ADAMTSL1: variants seen among roughly 807,000 people sequenced by gnomAD.
ADAMTSL1 encodes the protein ADAMTS-like protein 1.
Under a neutral mutation model 201.8 loss-of-function variants are expected in ADAMTSL1, and 126 were observed. The ratio of observed to expected loss-of-function variants is 0.62; its 90% confidence interval spans 0.54 to 0.72. The LOEUF (loss-of-function observed/expected upper bound fraction) is 0.72, where lower values mean the gene tolerates loss of function less well. Among genes scored for constraint, ADAMTSL1 ranks in the 30% least tolerant of loss-of-function variants. The pLI is 0.00. For missense variants in ADAMTSL1, 2,679 were observed against 2,277.8 expected, an observed-to-expected ratio of 1.18 and a Z score of -3.59; for synonymous variants, 1,121 against 903.4, an observed-to-expected ratio of 1.24 and a Z score of -4.32.
intron 2 of ADAMTSL1, among the ~76,000 whole-genome samples, chr9:18,219,355 ATT>A (rs1830171536): frequency 6.8e-6 from 1 of 147,828 alleles, no homozygotes; most frequent in Admixed American, 6.8e-5. Flanking sequence ...TTATTTATTT[ATT>A]TATTTATTTA....
intron 2 of ADAMTSL1, among the ~76,000 whole-genome samples, chr9:18,463,023 T>A (rs1023216879): frequency 1.3e-5 from 2 of 151,854 alleles, no homozygotes. Flanking sequence ...GAAGAGTAAG[T>A]GCAAAGGCTC....
chr9:18,470,465 C>T (rs1003745181), upstream of ADAMTSL1, among the ~76,000 whole-genome samples: 1 of 152,134 alleles, frequency 6.6e-6, no homozygotes, highest in Non-Finnish European at 1.5e-5. Flanking sequence ...TCACTGCATC[C>T]CTGTGGGGAA....
intron 4 of ADAMTSL1, among the ~76,000 whole-genome samples, chr9:18,582,227 A>C (rs1823144916): frequency 6.6e-6 from 1 of 152,202 alleles, no homozygotes; most frequent in Admixed American, 6.5e-5. Flanking sequence ...AAAATGTTTC[A>C]AATAATCAAA....
chr9:18,790,050 A>G (rs1382204345), intron 19 of ADAMTSL1, among the ~76,000 whole-genome samples: 1 of 152,192 alleles, frequency 6.6e-6, no homozygotes, highest in Non-Finnish European at 1.5e-5. Flanking sequence ...ATTTTGTCTG[A>G]CAACTAGAAA....
chr9:18,077,243 C>T (rs1823274179), intron 1 of ADAMTSL1, among the ~76,000 whole-genome samples: 1 of 152,142 alleles, frequency 6.6e-6, no homozygotes, highest in Non-Finnish European at 1.5e-5. Flanking sequence ...TGGTAGTTAT[C>T]ACTATACAAA....
chr9:18,827,768 C>G (rs1225113280), intron 22 of ADAMTSL1, among the ~76,000 whole-genome samples: 2 of 152,144 alleles, frequency 1.3e-5, no homozygotes, highest in African/African-American at 4.8e-5. Flanking sequence ...CATTCCAACT[C>G]TAATACAGTG....
intron 1 of ADAMTSL1, among the ~76,000 whole-genome samples, chr9:18,034,004 G>T (rs1821089181): frequency 6.6e-6 from 1 of 152,072 alleles, no homozygotes; most frequent in Non-Finnish European, 1.5e-5. Flanking sequence ...CAGAGTAAGA[G>T]GGTAGAAATC....
At chr9:18,092,523 T>C (rs1824073839) in intron 1 of ADAMTSL1, among the ~76,000 whole-genome samples, 1 of 152,226 alleles carries the variant, frequency 6.6e-6, no homozygotes, top group African/African-American at 2.4e-5. Context: ...ATTTCTTTTT[T>C]TCTTGATGTG....
intron 1 of ADAMTSL1, among the ~76,000 whole-genome samples, chr9:18,102,328 G>A (rs1278795033): frequency 6.6e-6 from 1 of 152,044 alleles, no homozygotes; most frequent in East Asian, 1.9e-4. Context: ...TAATATAAAA[G>A]TCTGAAAATT....
At chr9:18,435,037 T>A (rs1459207661) in intron 2 of ADAMTSL1, among the ~76,000 whole-genome samples, 1 of 152,204 alleles carries the variant, frequency 6.6e-6, no homozygotes, top group Non-Finnish European at 1.5e-5. Flanking sequence ...GCTTTGTAAC[T>A]TGTGAATGCA....
chr9:18,406,630 C>G (rs996696112), intron 2 of ADAMTSL1, among the ~76,000 whole-genome samples: 2 of 152,120 alleles, frequency 1.3e-5, no homozygotes, highest in Non-Finnish European at 2.9e-5. Flanking sequence ...CATGCCCAGC[C>G]AAGACATTTT....
At chr9:18,236,764 A>G (rs1830866384) in intron 2 of ADAMTSL1, among the ~76,000 whole-genome samples, 1 of 152,238 alleles carries the variant, frequency 6.6e-6, no homozygotes, top group Non-Finnish European at 1.5e-5. Flanking sequence ...TCCCATTATT[A>G]TATATACTTT....
chr9:18,028,945 G>A (rs1207947121), intron 1 of ADAMTSL1, among the ~76,000 whole-genome samples: 1 of 152,074 alleles, frequency 6.6e-6, no homozygotes, highest in East Asian at 1.9e-4. Flanking sequence ...ATTGAGCAGT[G>A]GTTTGTAGTT....
intron 1 of ADAMTSL1, among the ~76,000 whole-genome samples, chr9:18,119,859 C>A (rs1024084369): frequency 1.3e-5 from 2 of 152,130 alleles, no homozygotes; most frequent in African/African-American, 4.8e-5. Context: ...ACATCCGAAT[C>A]TATTACATAG....
intron 19 of ADAMTSL1, 24 bp downstream of exon 19, chr9:18,777,930 C>T (rs1821161107): frequency 1.3e-6 from 2 of 1,518,358 alleles, no homozygotes; most frequent in South Asian, 2.6e-5. Context: ...CTAACCTGGT[C>T]TTGGGAGGGA....
chr9:18,001,365 T>A (rs1819604926), intron 1 of ADAMTSL1, among the ~76,000 whole-genome samples: 1 of 151,926 alleles, frequency 6.6e-6, no homozygotes, highest in African/African-American at 2.4e-5. Context: ...TACCATCTTG[T>A]CCCAGTGCTT....
At chr9:18,714,767 A>T (rs907619711) in intron 14 of ADAMTSL1, among the ~76,000 whole-genome samples, 1 of 152,102 alleles carries the variant, frequency 6.6e-6, no homozygotes, top group Non-Finnish European at 1.5e-5. Flanking sequence ...TATCATACTG[A>T]TACCAAAGCC....
chr9:17,997,047 C>T (rs1203991628), intron 1 of ADAMTSL1, among the ~76,000 whole-genome samples: 1 of 152,086 alleles, frequency 6.6e-6, no homozygotes, highest in East Asian at 1.9e-4. Context: ...AAAAATTGAC[C>T]CTTTGATAGT....
chr9:18,065,447 C>T (rs1822652573), intron 1 of ADAMTSL1, among the ~76,000 whole-genome samples: 1 of 152,008 alleles, frequency 6.6e-6, no homozygotes, highest in Admixed American at 6.6e-5. Flanking sequence ...TTTTATGTAC[C>T]ATTATAATTT....
Sources: allele counts gnomAD v4.1 joint callset (sites outside exome capture counted in the v4.1 genomes callset), GRCh38; gene constraint gnomAD v4.1.1; transcripts MANE v1.5; gene names NCBI Gene and HGNC (gene_info 2026-07-23, HGNC 2026-07-21).